Variants in JAZF1 observed in about 807,000 individuals in gnomAD.
JAZF1 encodes the protein juxtaposed with another zinc finger protein 1.
A neutral mutation model predicts 26.4 loss-of-function variants in JAZF1; 8 were observed. The observed-to-expected ratio is 0.30, with a 90% CI of 0.18 to 0.55. The LOEUF (loss-of-function observed/expected upper bound fraction) is 0.55. Ranked by LOEUF, JAZF1 falls within the 20% of genes least tolerant of loss-of-function variation. The pLI, the probability that JAZF1 is intolerant of heterozygous loss-of-function variation, is 0.94. For synonymous variants in JAZF1, 126 were observed against 122.3 expected (o/e 1.03, Z -0.20); for missense variants, 199 against 322.0 (o/e 0.62, Z 2.92).
intron 3 of JAZF1, chr7:27,843,286 A>G (rs979316221): frequency 2.6e-5 from 4 of 152,282 alleles, no homozygotes; most frequent in African/African-American, 4.8e-5. Context: ...GAGAACATCA[A>G]CACAGACCTG....
chr7:27,947,739 C>T (rs941093448), intron 2 of JAZF1, among the ~76,000 whole-genome samples: 4 of 152,154 alleles, frequency 2.6e-5, no homozygotes, highest in Non-Finnish European at 5.9e-5. Flanking sequence ...ATCACCATCC[C>T]CTTCCTCACT....
rs1413768216 is a variant in JAZF1, at chr7:28,015,919, C to A, written c.116-23938G>T. ...CTGCTCCCCAGGCTCCAGGTCCCTG[C>A]CTCTCCCCTCACACCCACCACAGGC... On this transcript the variant is annotated intron_variant, in intron 1 of 4. Transcript: ENST00000283928. 3.9e-5 allele frequency among the ~76,000 whole-genome samples: 6 copies of A among 152,280 alleles called. No individual in the cohort carries two copies. The East Asian group carries it at 1.2e-3, about 29-fold the overall frequency.
At chr7:27,949,409 T>C (rs1353946132) in intron 2 of JAZF1, among the ~76,000 whole-genome samples, 1 of 152,150 alleles carries the variant, frequency 6.6e-6, no homozygotes, top group Non-Finnish European at 1.5e-5. Context: ...AGTGCATGTG[T>C]AGTTCCAGGA....
chr7:27,845,325 G>A (rs934253687), intron 3 of JAZF1, among the ~76,000 whole-genome samples: 1 of 152,154 alleles, frequency 6.6e-6, no homozygotes, highest in Non-Finnish European at 1.5e-5. Flanking sequence ...ACTCTGGACT[G>A]GGGGGTCAGA....
chr7:27,867,103 A>G (rs1299692688), intron 3 of JAZF1, among the ~76,000 whole-genome samples: 2 of 152,228 alleles, frequency 1.3e-5, no homozygotes, highest in East Asian at 1.9e-4. Context: ...TTCCTTCTTA[A>G]CTGTGAAATA....
At chr7:27,980,942 G>A (rs530513123) in intron 2 of JAZF1, among the ~76,000 whole-genome samples, 1 of 152,196 alleles carries the variant, frequency 6.6e-6, no homozygotes, top group South Asian at 2.1e-4. Context: ...GTAGTTGTCT[G>A]TTGCTTGGCC....
At chr7:28,038,112 C>T (rs867424305) in intron 1 of JAZF1, among the ~76,000 whole-genome samples, 8 of 152,204 alleles carry the variant, frequency 5.3e-5, no homozygotes, top group African/African-American at 7.2e-5. Flanking sequence ...GAAGAAAATA[C>T]CAGAACCAAT....
chr7:28,062,842 T>A (rs1328288927), intron 1 of JAZF1, among the ~76,000 whole-genome samples: 63 of 152,228 alleles, frequency 4.1e-4, no homozygotes, highest in Admixed American at 4.1e-3. Context: ...TTTGTGGTTT[T>A]TGTCTCCTCG....
chr7:27,879,930 C>G (rs748968448), intron 3 of JAZF1, among the ~76,000 whole-genome samples: 1 of 152,154 alleles, frequency 6.6e-6, no homozygotes, highest in Non-Finnish European at 1.5e-5. Context: ...AGAACACATC[C>G]ATTCACTTTT....
intron 1 of JAZF1, among the ~76,000 whole-genome samples, chr7:28,063,528 A>G (rs1783832851): frequency 6.6e-6 from 1 of 152,204 alleles, no homozygotes; most frequent in African/African-American, 2.4e-5. Context: ...AATGACCAAC[A>G]TTATTAAACA....
intron 1 of JAZF1, among the ~76,000 whole-genome samples, chr7:28,069,024 G>A (rs1783928548): frequency 6.6e-6 from 1 of 152,206 alleles, no homozygotes; most frequent in Non-Finnish European, 1.5e-5. Context: ...CCATTTCTAA[G>A]ATGTTCCCTG....
chr7:28,040,492 A>G (rs990654554), intron 1 of JAZF1, among the ~76,000 whole-genome samples: 2 of 152,216 alleles, frequency 1.3e-5, no homozygotes, highest in African/African-American at 2.4e-5. Flanking sequence ...CAAGTCCTAA[A>G]TGATCAGCAG....
intron 3 of JAZF1, chr7:27,842,197 A>T (rs1342109527): frequency 6.6e-6 from 1 of 152,146 alleles, no homozygotes; most frequent in Non-Finnish European, 1.5e-5. Flanking sequence ...AGTGCCTATG[A>T]TGTTTCAGGC....
intron 1 of JAZF1, among the ~76,000 whole-genome samples, chr7:28,152,564 G>A (rs1400832594): frequency 6.6e-6 from 1 of 151,898 alleles, no homozygotes; most frequent in Admixed American, 6.6e-5. Flanking sequence ...CATTGACTCA[G>A]AAAAGGGAAA....
chr7:27,869,045 T>C (rs1001451546), intron 3 of JAZF1, among the ~76,000 whole-genome samples: 1 of 152,230 alleles, frequency 6.6e-6, no homozygotes, highest in Non-Finnish European at 1.5e-5. Flanking sequence ...ATTGCTACAC[T>C]GGAAATCCTG....
chr7:27,933,834 C>A (rs1333589280), intron 2 of JAZF1, among the ~76,000 whole-genome samples: 3 of 151,992 alleles, frequency 2.0e-5, no homozygotes, highest in Non-Finnish European at 2.9e-5. Context: ...TGGAAAAAAA[C>A]CTTCCTGGGA....
At chr7:27,887,762 GT>G (rs74874566) in intron 3 of JAZF1, among the ~76,000 whole-genome samples, 4,690 of 152,114 alleles carry the variant, frequency 0.031, 71 homozygotes, top group East Asian at 0.048. Flanking sequence ...GTTTGGGAAG[GT>G]TTTTTTCTAA....
At chr7:28,130,943 T>C (rs953117679) in intron 1 of JAZF1, among the ~76,000 whole-genome samples, 1 of 152,192 alleles carries the variant, frequency 6.6e-6, no homozygotes, top group Non-Finnish European at 1.5e-5. Flanking sequence ...ATCAGACCCA[T>C]GGATCCCTCA....
chr7:27,982,737 C>T (rs780416635), intron 2 of JAZF1, among the ~76,000 whole-genome samples: 12 of 152,194 alleles, frequency 7.9e-5, no homozygotes, highest in East Asian at 1.9e-4. Flanking sequence ...ACCTCTGAGA[C>T]GAAGCTTCCA....
Sources: gnomAD v4.1 joint callset for allele counts (sites outside exome capture counted in the v4.1 genomes callset) on GRCh38, gnomAD v4.1.1 for gene constraint, MANE v1.5 for transcripts, NCBI Gene and HGNC (gene_info 2026-07-23, HGNC 2026-07-21) for gene names.